The following RADIL variants were observed in gnomAD, a reference collection of about 807,000 sequenced individuals.
RADIL encodes ras-associating and dilute domain-containing protein.
Under a neutral mutation model 97.6 loss-of-function variants are expected in RADIL, and 99 were observed. The observed-to-expected ratio is 1.01, with a 90% CI of 0.86 to 1.20. The LOEUF is 1.20. Among genes scored for constraint, RADIL ranks in the 50% most tolerant of loss-of-function variants. The pLI is 0.00. For missense variants in RADIL, 1,765 were observed against 1,498.9 expected (o/e 1.18, Z -2.93); for synonymous variants, 803 against 691.8 (o/e 1.16, Z -2.52).
At chr7:4,833,452 T>G (rs533339347) in intron 4 of RADIL, among the ~76,000 whole-genome samples, 1 of 152,186 alleles carries the variant, frequency 6.6e-6, no homozygotes, top group South Asian at 2.1e-4. Flanking sequence ...ACGGGCACGC[T>G]GCAGTGGCAC....
At position 4,872,779 on chromosome 7, in the gene RADIL, T is replaced by C. The variant is rs1299672047; in HGVS notation, c.535+4826A>G. Reference sequence around the variant, plus strand: ...TTTCTACAGGGGGGTAGCAGTGAACTAAGTGATGAGTGAACCGGCAGGAAG... The same window carrying C: ...TTTCTACAGGGGGGTAGCAGTGAACCAAGTGATGAGTGAACCGGCAGGAAG... On this transcript the variant is annotated intron_variant, in intron 2 of 14. Coordinates refer to ENST00000399583, the MANE Select transcript of RADIL (RefSeq NM_018059.5). This position sits in a 1 kb window ranked among gnomAD's most constrained non-coding sequence, Gnocchi z 5.8. 1.3e-5 allele frequency among the ~76,000 whole-genome samples: 2 copies of C among 152,094 alleles called. No individual in the cohort carries two copies. The highest frequency in any genetic ancestry group is 1.5e-5 in the Non-Finnish European group (1 of 68,022).
rs1169853622 is a variant in RADIL, at chr7:4,824,434, A to G, written c.1455-1880T>C. On this transcript the variant is annotated intron_variant, in intron 5 of 14. Transcript: ENST00000399583. The surrounding 1 kb of genome is among the most constrained non-coding windows in gnomAD (Gnocchi z 6.7). The stretch of plus-strand genomic sequence containing the variant: ...AGGACCTTAAGGCAGCCGGTTTGTG[A>G]GGGCATCTGGGAAGGGCTGAGGCCC... Among the ~76,000 whole-genome samples the G allele has an allele frequency of 1.3e-5, 2 of 152,218 alleles. No individual in the cohort carries two copies. Among genetic ancestry groups the G allele is most frequent in the Non-Finnish European group, 2.9e-5 (2 of 68,036 alleles).
chr7:4,802,408 C>T (rs186811470), intron 11 of RADIL, among the ~76,000 whole-genome samples: 436 of 106,494 alleles, frequency 4.1e-3, no homozygotes, highest in African/African-American at 0.018. Context: ...GCTGGCTGGG[C>T]CCCCTCCCCG....
chr7:4,834,831 C>T lies in RADIL; in HGVS notation c.1192G>A (p.Ala398Thr), dbSNP rs530494594. ...ARGAASPTQA[A>T]LPRRQQLLLE... ...AGCAGCTGCTGGCGCCGGGGCAGGG[C>T]GGCCTGAGTAGGGGAGGCGGCTCCC... Residue 398 changes from alanine to threonine, a missense_variant, in exon 4 of 15, where the codon GCC (alanine) becomes ACC (threonine). Transcript: ENST00000399583. The surrounding 1 kb of genome is among the most constrained non-coding windows in gnomAD (Gnocchi z 6.0). The T allele has an allele frequency of 1.5e-6, 2 of 1,315,358 alleles. No individual in the cohort carries two copies. The highest frequency in any genetic ancestry group is 4.8e-5 in the South Asian group (2 of 41,614). The allele number at this position is 1,315,358 out of a possible 1,614,324, so 81.5% of individuals were successfully genotyped here. A position where few individuals can be genotyped will look rare whatever the true frequency, so the allele number is the denominator to read the frequency against.
intron 5 of RADIL, among the ~76,000 whole-genome samples, chr7:4,825,249 G>A (rs987051124): frequency 6.6e-6 from 1 of 152,136 alleles, no homozygotes; most frequent in Non-Finnish European, 1.5e-5. Flanking sequence ...CAGGAGGAAC[G>A]GGCGCAGCTG....
chr7:4,881,058 C>T (rs897183041), intron 1 of RADIL, among the ~76,000 whole-genome samples: 2 of 135,952 alleles, frequency 1.5e-5, no homozygotes, highest in African/African-American at 5.6e-5. Flanking sequence ...TATGATTGCG[C>T]CACGTCACTC....
In RADIL at chr7:4,859,468, C is replaced by T. The variant is rs80286092; in HGVS notation, c.535+18137G>A. On this transcript the variant is annotated intron_variant, in intron 2 of 14. Coordinates refer to ENST00000399583, the MANE Select transcript of RADIL (RefSeq NM_018059.5). ...ATAGTTAATGTAACTGTTGCTGATA[C>T]ATTAATAACAGTACCTCTAGCTGTC... The T allele has an allele frequency of 4.8e-3, 775 of 162,454 alleles. 3 individuals are homozygous for T. Among genetic ancestry groups the T allele is most frequent in the African/African-American group, 0.018 (748 of 41,706 alleles). 10.1% of individuals were successfully genotyped at this position (162,454 alleles called of 1,614,324 possible).
At chr7:4,816,541 G>A (rs1474252162) in intron 7 of RADIL, 76 bp from the exon 8 acceptor site, 30 of 1,245,620 alleles carry the variant, frequency 2.4e-5, no homozygotes, top group East Asian at 1.9e-4. Context: ...CTGACCCAGC[G>A]AGCTCCCCAC....
intron 10 of RADIL, 79 bp downstream of exon 10, chr7:4,805,487 T>G: frequency 6.8e-7 from 1 of 1,462,038 alleles, no homozygotes; most frequent in Non-Finnish European, 9.1e-7. Flanking sequence ...TCAGTTGGGA[T>G]GAGAGCATGC....
chr7:4,799,581 G>T, intron 14 of RADIL, 49 bp downstream of exon 14: 1 of 1,608,128 alleles, frequency 6.2e-7, no homozygotes. Flanking sequence ...CCACTCCCCT[G>T]AGCAGGGCAT....
At chr7:4,809,480 C>T (rs1052251606) in intron 9 of RADIL, 6 of 985,386 alleles carry the variant, frequency 6.1e-6, no homozygotes, top group Non-Finnish European at 6.0e-6. Flanking sequence ...CCGAGGAACA[C>T]GCTTGTGTGT....
At chr7:4,832,909 G>A (rs796701608) in intron 4 of RADIL, among the ~76,000 whole-genome samples, 94 of 152,276 alleles carry the variant, frequency 6.2e-4, no homozygotes, top group African/African-American at 2.0e-3. Flanking sequence ...AAACAAACGC[G>A]CAAATGATAT....
In RADIL at chr7:4,815,244, C is replaced by G; in HGVS notation, c.2139+34G>C. 6.7e-7 allele frequency: 1 copy of G among 1,500,486 alleles called. No homozygotes were observed. The highest frequency in any genetic ancestry group is 8.9e-7 in the Non-Finnish European group (1 of 1,119,406). The allele number at this position is 1,500,486 out of a possible 1,614,324, so 92.9% of individuals were successfully genotyped here. ...ACCCACAGCATGTGGCCCCGCCCCT[C>G]CCCACACTCGCCGCCTCCCATGCGC... is the stretch of plus-strand genomic sequence containing the variant. On this transcript the variant is annotated intron_variant, in intron 9 of 14. Transcript: ENST00000399583. This position sits in a 1 kb window ranked among gnomAD's most constrained non-coding sequence, Gnocchi z 8.0.
At chr7:4,861,395 T>G in intron 2 of RADIL, 1 of 1,614,196 alleles carries the variant, frequency 6.2e-7, no homozygotes, top group East Asian at 2.2e-5. Context: ...CTCCTGTAGT[T>G]TCAGTTTAGC....
chr7:4,839,070 C>T (rs1004936412), intron 2 of RADIL, among the ~76,000 whole-genome samples: 4 of 152,228 alleles, frequency 2.6e-5, no homozygotes, highest in African/African-American at 7.2e-5. Context: ...GAGAGAAGAC[C>T]GTAGCCAGCT....
Position 4,836,511 on chromosome 7 carries a change from C to G in RADIL, c.630G>C (p.Arg210=), listed in dbSNP as rs756659101. 25 of 1,607,210 alleles carry G rather than the reference C, an allele frequency of 1.6e-5. 2 individuals carry two copies. The South Asian group carries it at 2.8e-4, about 18-fold the overall frequency. ...LGDARSSPPP[R]LRRTVSETSL... ...TGGTCTCACTGACTGTGCGGCGCAA[C>G]CGGGGTGGAGGAGAGCTCCGGGCAT... The change falls in exon 3 of 15, where the codon CGG becomes CGC. Residue 210 remains arginine (R), a synonymous_variant. Coordinates refer to ENST00000399583, the MANE Select transcript of RADIL (RefSeq NM_018059.5).
At chr7:4,801,139 G>C (rs1435694665) in intron 12 of RADIL, among the ~76,000 whole-genome samples, 1 of 150,712 alleles carries the variant, frequency 6.6e-6, no homozygotes, top group African/African-American at 2.5e-5. Flanking sequence ...CACCCATGCA[G>C]AGATGCACAC....
Position 4,816,391 on chromosome 7 carries a change from C to G in RADIL, c.1803G>C (p.Ser601=), listed in dbSNP as rs150074144. The part of the protein sequence containing the change: ...FQTERRESWS[S]APELPEELRR... ...GCAGCTCCTCGGGCAGTTCGGGGGC[C>G]GAGGACCAGCTCTCACGGCGCTCCG... Residue 601 remains serine, a synonymous_variant, in exon 8 of 15, where the codon TCG becomes TCC. Coordinates refer to ENST00000399583, the MANE Select transcript of RADIL (RefSeq NM_018059.5). The G allele has an allele frequency of 3.1e-6, 5 of 1,609,390 alleles. No homozygotes were observed. Among genetic ancestry groups the G allele is most frequent in the Non-Finnish European group, 3.4e-6 (4 of 1,178,698 alleles).
rs1389001757 is a variant in RADIL at position 4,880,482 on chromosome 7, C to T, written c.-64-2279G>A. 6.6e-6 allele frequency among the ~76,000 whole-genome samples: 1 copy of T among 152,180 alleles called. No homozygotes were observed. The highest frequency in any genetic ancestry group is 1.9e-4 in the East Asian group (1 of 5,188). ...TTTTCAAAGTGAGTACTTGGAATCA[C>T]AGAACAAAACCCCTCAAAGAGCCTC... On this transcript the variant is annotated intron_variant, in intron 1 of 14. Coordinates refer to ENST00000399583, the MANE Select transcript of RADIL (RefSeq NM_018059.5). This position sits in a 1 kb window ranked among gnomAD's most constrained non-coding sequence, Gnocchi z 4.5.
Sources: allele counts gnomAD v4.1 joint callset (sites outside exome capture counted in the v4.1 genomes callset), GRCh38; gene constraint gnomAD v4.1.1; non-coding constraint Gnocchi (gnomAD v3.1); transcripts MANE v1.5; gene names NCBI Gene and HGNC (gene_info 2026-07-23, HGNC 2026-07-21).